The following WDSUB1 variants were observed in gnomAD, a reference collection of about 807,000 sequenced individuals.
WDSUB1 encodes the protein WD repeat, sterile alpha motif and U-box domain containing 1.
WDSUB1 carries 49 observed loss-of-function variants against 53.9 expected under a neutral mutation model. The ratio of observed to expected loss-of-function variants is 0.91; its 90% confidence interval spans 0.72 to 1.15. The LOEUF is 1.15. WDSUB1 is among the 50% of genes most tolerant of loss of function. The pLI is 0.00. For missense variants in WDSUB1, 514 were observed against 562.0 expected, an observed-to-expected ratio of 0.91 and a Z score of 0.86; for synonymous variants, 194 against 200.6, an observed-to-expected ratio of 0.97 and a Z score of 0.28.
At chr2:159,246,211 T>G (rs2060791903) in intron 10 of WDSUB1, among the ~76,000 whole-genome samples, 1 of 152,022 alleles carries the variant, frequency 6.6e-6, no homozygotes, top group African/African-American at 2.4e-5. Flanking sequence ...GGCAGGTGGA[T>G]CACGAGGTCA....
At chr2:159,251,833 A>T (rs549352980) in intron 9 of WDSUB1, among the ~76,000 whole-genome samples, 7 of 152,354 alleles carry the variant, frequency 4.6e-5, no homozygotes, top group African/African-American at 1.4e-4. Context: ...ACCTCTGACG[A>T]AACAGAAGGT....
intron 8 of WDSUB1, among the ~76,000 whole-genome samples, chr2:159,257,426 G>A (rs906798694): frequency 1.4e-5 from 2 of 142,584 alleles, no homozygotes; most frequent in African/African-American, 2.7e-5. Context: ...CACTCTTGTC[G>A]CCCAGGCTGG....
intron 5 of WDSUB1, among the ~76,000 whole-genome samples, chr2:159,270,754 T>A (rs1003319252): frequency 2.6e-5 from 4 of 152,188 alleles, no homozygotes; most frequent in African/African-American, 9.7e-5. Context: ...AGAAGCTGAC[T>A]ACACTAAAAT....
At chr2:159,270,367 T>C (rs1333158628) in intron 5 of WDSUB1, among the ~76,000 whole-genome samples, 1 of 152,188 alleles carries the variant, frequency 6.6e-6, no homozygotes. Context: ...TTTGTGTGTG[T>C]GGAGACAGGA....
chr2:159,258,029 T>C, intron 6 of WDSUB1, 44 bp from the exon 7 acceptor site: 1 of 1,566,392 alleles, frequency 6.4e-7, no homozygotes, highest in Non-Finnish European at 8.8e-7. Flanking sequence ...CAAGTAAGAG[T>C]AAAGTTACTG....
chr2:159,247,280 C>G (rs1025787472), intron 10 of WDSUB1, among the ~76,000 whole-genome samples: 8 of 152,102 alleles, frequency 5.3e-5, no homozygotes, highest in Non-Finnish European at 1.2e-4. Context: ...ATTAGTTCCA[C>G]TAATAATGTG....
intron 9 of WDSUB1, among the ~76,000 whole-genome samples, chr2:159,250,133 C>T (rs1383371099): frequency 1.4e-5 from 2 of 144,352 alleles, no homozygotes; most frequent in African/African-American, 5.0e-5. Context: ...CAATCAGAAC[C>T]TGAAGTGCAA....
At chr2:159,253,505 T>A (rs2060996173) in intron 9 of WDSUB1, among the ~76,000 whole-genome samples, 1 of 152,226 alleles carries the variant, frequency 6.6e-6, no homozygotes, top group Non-Finnish European at 1.5e-5. Context: ...AACTGCTCAA[T>A]TCCTTAAAAA....
chr2:159,280,708 A>AAAAAAAAATAAAAAAAAAAAC (rs111752652), intron 2 of WDSUB1, among the ~76,000 whole-genome samples: 1 of 134,322 alleles, frequency 7.4e-6, no homozygotes, highest in Non-Finnish European at 1.5e-5. Flanking sequence ...AAAAAAAAAA[A>AAAAAAAAATAAAAAAAAAAAC]ATTACCCAGA....
chr2:159,273,537 C>T (rs1285242847), intron 4 of WDSUB1, among the ~76,000 whole-genome samples: 1 of 152,076 alleles, frequency 6.6e-6, no homozygotes, highest in Non-Finnish European at 1.5e-5. Flanking sequence ...TCTCCTGACT[C>T]AGGCTCCCAA....
At chr2:159,266,629 G>C (rs1575474510) in intron 5 of WDSUB1, among the ~76,000 whole-genome samples, 1 of 152,206 alleles carries the variant, frequency 6.6e-6, no homozygotes, top group East Asian at 1.9e-4. Flanking sequence ...TTCATCTCTA[G>C]CCACTTATAT....
At chr2:159,253,396 A>G (rs1480220921) in intron 9 of WDSUB1, among the ~76,000 whole-genome samples, 1 of 152,240 alleles carries the variant, frequency 6.6e-6, no homozygotes, top group Non-Finnish European at 1.5e-5. Flanking sequence ...GAAAATGACT[A>G]TTATCCTTGG....
In WDSUB1 at chr2:159,256,236, C is replaced by G. The variant is rs750722914; in HGVS notation, c.1092G>C (p.Leu364Phe). Residue 364 changes from leucine to phenylalanine, a missense_variant, in exon 9 of 11, where the codon TTG (leucine) becomes TTC (phenylalanine). Leu to Phe is a conservative substitution (Grantham distance 22). Transcript: ENST00000359774. ...KMNNIDGKEL[L>F]NLTKESLADD... ...CAGCCAGACTTTCTTTTGTAAGATT[C>G]AACAGTTCTTTTCCATCAATGTTAT... 4 of 1,607,932 alleles carry G rather than the reference C, an allele frequency of 2.5e-6. No homozygotes were observed. The highest frequency in any genetic ancestry group is 4.5e-5 in the East Asian group (2 of 44,658).
chr2:159,262,895 G>A (rs1278896293), intron 5 of WDSUB1, among the ~76,000 whole-genome samples: 1 of 152,150 alleles, frequency 6.6e-6, no homozygotes, highest in Non-Finnish European at 1.5e-5. Context: ...TTTTCTTCCT[G>A]CTATAGTTCC....
rs2060469015 is a variant in WDSUB1, at chr2:159,236,006, A to C, written c.*27T>G. On this transcript the variant is annotated 3_prime_UTR_variant, in exon 11 of 11. Transcript: ENST00000359774. ...AAATCATTCAAATGAGATCACTGAA[A>C]ATATAAATAATACAATATCAACAAT... 6.4e-7 allele frequency: 1 copy of C among 1,562,088 alleles called. No individual in the cohort carries two copies. Among genetic ancestry groups the C allele is most frequent in the Non-Finnish European group, 8.6e-7 (1 of 1,157,932 alleles).
At chr2:159,286,077 C>T (rs1486734467) in intron 1 of WDSUB1, among the ~76,000 whole-genome samples, 2 of 152,162 alleles carry the variant, frequency 1.3e-5, no homozygotes, top group Non-Finnish European at 2.9e-5. Context: ...TACCCAGGAC[C>T]TGCCTTGGGG....
rs1262803332 is a variant in WDSUB1 at position 159,275,644 on chromosome 2, A to C, written c.584-6T>G. On this transcript the variant is annotated splice_region_variant and splice_polypyrimidine_tract_variant and intron_variant, in intron 3 of 10. Coordinates refer to ENST00000359774, the MANE Select transcript of WDSUB1 (RefSeq NM_001128212.3). ...CTGAAGACCTTGTTCTCCATCTAAA[A>C]TTTATTAAAAATAAATACAGAGAAT... is the stretch of plus-strand genomic sequence containing the variant. 6.3e-7 allele frequency: 1 copy of C among 1,587,998 alleles called. No individual in the cohort carries two copies. Among genetic ancestry groups the C allele is most frequent in the Admixed American group, 1.9e-5 (1 of 52,734 alleles).
At chr2:159,265,403 A>G (rs892832898) in intron 5 of WDSUB1, among the ~76,000 whole-genome samples, 1 of 152,112 alleles carries the variant, frequency 6.6e-6, no homozygotes, top group African/African-American at 2.4e-5. Context: ...AAACTCTGAG[A>G]CCTTCTGGAA....
intron 10 of WDSUB1, among the ~76,000 whole-genome samples, chr2:159,238,820 T>G (rs2060560081): frequency 7.0e-6 from 1 of 142,242 alleles, no homozygotes; most frequent in African/African-American, 2.9e-5. Flanking sequence ...CTTGTGTATC[T>G]CTCGGTAAAA....
Sources: gnomAD v4.1 joint callset for allele counts (sites outside exome capture counted in the v4.1 genomes callset) on GRCh38, gnomAD v4.1.1 for gene constraint, MANE v1.5 for transcripts, NCBI Gene and HGNC (gene_info 2026-07-23, HGNC 2026-07-21) for gene names.